Variants in MGMT observed in about 807,000 individuals in gnomAD.
MGMT encodes the protein O-6-methylguanine-DNA methyltransferase.
Under a neutral mutation model 15.9 loss-of-function variants are expected in MGMT, and 14 were observed. That is an observed-to-expected ratio of 0.88 (90% CI 0.58 to 1.37). MGMT has a LOEUF of 1.37. MGMT is among the 40% of genes most tolerant of loss of function. The pLI, the probability that MGMT is intolerant of heterozygous loss-of-function variation, is 0.00. For synonymous variants in MGMT, 130 were observed against 118.2 expected, an observed-to-expected ratio of 1.10 and a Z score of -0.65; for missense variants, 282 against 268.1, an observed-to-expected ratio of 1.05 and a Z score of -0.36.
intron 1 of MGMT, among the ~76,000 whole-genome samples, chr10:129,468,752 G>A (rs903048471): frequency 2.6e-4 from 39 of 152,080 alleles, no homozygotes; most frequent in African/African-American, 8.9e-4. Context: ...AGGCGTGGTG[G>A]TGCATGCTGG....
intron 2 of MGMT, among the ~76,000 whole-genome samples, chr10:129,698,268 A>G (rs893529950): frequency 5.3e-5 from 8 of 152,308 alleles, no homozygotes; most frequent in Admixed American, 4.6e-4. Flanking sequence ...TTTGCATGAC[A>G]GACACCAGCG....
At chr10:129,639,909 A>T (rs912352092) in intron 2 of MGMT, among the ~76,000 whole-genome samples, 70 of 151,500 alleles carry the variant, frequency 4.6e-4, no homozygotes, top group African/African-American at 1.6e-3. Flanking sequence ...TCTTTGGAAA[A>T]ATATTAATTA....
In MGMT at chr10:129,532,851, T is replaced by C. The variant is rs1316610078; in HGVS notation, c.-12-3390T>C. Among the ~76,000 whole-genome samples the C allele has an allele frequency of 6.6e-6, 1 of 152,208 alleles. No individual in the cohort carries two copies. The highest frequency in any genetic ancestry group is 1.5e-5 in the Non-Finnish European group (1 of 68,040). On this transcript the variant is annotated intron_variant, in intron 1 of 4. Coordinates refer to ENST00000651593, the MANE Select transcript of MGMT (RefSeq NM_002412.5). This position sits in a 1 kb window ranked among gnomAD's most constrained non-coding sequence, Gnocchi z 5.3. ...GCTTGAGAGAGGAGTGCGCAGCTAGTGTCTGACCAGCCCCCACATGGGGCA... is the reference window on the plus strand; with the variant it reads ...GCTTGAGAGAGGAGTGCGCAGCTAGCGTCTGACCAGCCCCCACATGGGGCA...
At chr10:129,752,812 T>C (rs967196599) in intron 3 of MGMT, among the ~76,000 whole-genome samples, 12 of 152,176 alleles carry the variant, frequency 7.9e-5, no homozygotes, top group African/African-American at 2.9e-4. Context: ...TCATAATTTT[T>C]GCTTTTGGCT....
intron 1 of MGMT, among the ~76,000 whole-genome samples, chr10:129,471,846 C>T (rs367610498): frequency 2.0e-5 from 3 of 152,186 alleles, no homozygotes; most frequent in East Asian, 1.9e-4. Flanking sequence ...AAGTATCCAT[C>T]GGCAGTTGGC....
At chr10:129,538,592 CTA>C (rs1846010532) in intron 2 of MGMT, among the ~76,000 whole-genome samples, 1 of 151,860 alleles carries the variant, frequency 6.6e-6, no homozygotes, top group Non-Finnish European at 1.5e-5. Flanking sequence ...TTGGCCATTC[CTA>C]TGTTTTCTTT....
chr10:129,680,715 G>A (rs1847841980), intron 2 of MGMT, among the ~76,000 whole-genome samples: 1 of 152,202 alleles, frequency 6.6e-6, no homozygotes, highest in Admixed American at 6.5e-5. Flanking sequence ...TATTTCCTCA[G>A]GTACCCGCTC....
At chr10:129,476,994 C>T (rs1845302756) in intron 1 of MGMT, among the ~76,000 whole-genome samples, 1 of 152,158 alleles carries the variant, frequency 6.6e-6, no homozygotes, top group African/African-American at 2.4e-5. Flanking sequence ...ACCCCTCTCT[C>T]AGGCCAGGCA....
At chr10:129,613,193 T>G (rs1345948477) in intron 2 of MGMT, among the ~76,000 whole-genome samples, 1 of 152,234 alleles carries the variant, frequency 6.6e-6, no homozygotes, top group African/African-American at 2.4e-5. Flanking sequence ...CTTTAGTATC[T>G]TGGATCCACC....
At chr10:129,650,548 G>A (rs1391082508) in intron 2 of MGMT, among the ~76,000 whole-genome samples, 3 of 152,124 alleles carry the variant, frequency 2.0e-5, no homozygotes, top group Non-Finnish European at 1.5e-5. Context: ...TCACCATTGC[G>A]TCCTTTTGTT....
At chr10:129,552,239 C>T (rs1846165326) in intron 2 of MGMT, among the ~76,000 whole-genome samples, 2 of 152,224 alleles carry the variant, frequency 1.3e-5, no homozygotes, top group African/African-American at 4.8e-5. Flanking sequence ...GCAGGCTCCC[C>T]ACATGGGAAC....
intron 1 of MGMT, among the ~76,000 whole-genome samples, chr10:129,521,466 A>C (rs1487333559): frequency 6.6e-6 from 1 of 152,166 alleles, no homozygotes; most frequent in Non-Finnish European, 1.5e-5. Flanking sequence ...CAGTGACCTC[A>C]TGTAAGAAAG....
intron 3 of MGMT, among the ~76,000 whole-genome samples, chr10:129,732,886 C>G (rs1479750748): frequency 4.8e-4 from 70 of 145,806 alleles, no homozygotes; most frequent in African/African-American, 1.6e-3. Context: ...AGGACATGAA[C>G]TCATCATTTT....
In MGMT at chr10:129,659,504, C is replaced by T. The variant is rs1847571827; in HGVS notation, c.126-48391C>T. ...GGCAAGCTCTCTGGAGAACACAGGC[C>T]ATTGTACCTGCTCATGAGAACAGAA... On this transcript the variant is annotated intron_variant, in intron 2 of 4. Coordinates refer to ENST00000651593, the MANE Select transcript of MGMT (RefSeq NM_002412.5). The surrounding 1 kb of genome is among the most constrained non-coding windows in gnomAD (Gnocchi z 4.1). Among the ~76,000 whole-genome samples, 1 of 152,146 alleles carries T rather than the reference C, an allele frequency of 6.6e-6. No homozygotes were observed. The highest frequency in any genetic ancestry group is 2.4e-5 in the African/African-American group (1 of 41,420).
chr10:129,505,375 A>G (rs1845615120), intron 1 of MGMT, among the ~76,000 whole-genome samples: 1 of 152,198 alleles, frequency 6.6e-6, no homozygotes. Context: ...ACATGTTAAA[A>G]TAGGGGGCTG....
intron 3 of MGMT, among the ~76,000 whole-genome samples, chr10:129,709,202 G>A (rs547652630): frequency 2.0e-5 from 3 of 152,184 alleles, no homozygotes; most frequent in Non-Finnish European, 2.9e-5. Flanking sequence ...AACCACAAAC[G>A]TCCAAGAAAC....
At chr10:129,618,417 A>G (rs1847052987) in intron 2 of MGMT, among the ~76,000 whole-genome samples, 1 of 151,942 alleles carries the variant, frequency 6.6e-6, no homozygotes, top group African/African-American at 2.4e-5. Flanking sequence ...GTGGCTCTGT[A>G]GTAAGTCTTG....
intron 1 of MGMT, among the ~76,000 whole-genome samples, chr10:129,530,989 G>T (rs547188074): frequency 6.6e-6 from 1 of 152,216 alleles, no homozygotes; most frequent in Admixed American, 6.5e-5. Flanking sequence ...TGCCCACCTC[G>T]TGCTAGCCTG....
chr10:129,647,552 A>G (rs1046999627), intron 2 of MGMT, among the ~76,000 whole-genome samples: 2 of 152,204 alleles, frequency 1.3e-5, no homozygotes, highest in African/African-American at 4.8e-5. Flanking sequence ...GGAGCTTGAG[A>G]AGAACTATTT....
Sources: gnomAD v4.1 joint callset for allele counts (sites outside exome capture counted in the v4.1 genomes callset) on GRCh38, gnomAD v4.1.1 for gene constraint, Gnocchi (gnomAD v3.1) non-coding constraint, MANE v1.5 for transcripts, NCBI Gene and HGNC (gene_info 2026-07-23, HGNC 2026-07-21) for gene names.